Variants in CDC123 observed in about 807,000 individuals in gnomAD.
CDC123 encodes cell division cycle 123, also known as translation initiation factor eIF2 assembly protein.
A neutral mutation model predicts 54.4 loss-of-function variants in CDC123; 37 were observed. That is an observed-to-expected ratio of 0.68 (90% CI 0.52 to 0.89). The LOEUF is 0.89. CDC123 is among the 40% of genes least tolerant of loss of function. CDC123 has a pLI of 0.00. For synonymous variants in CDC123, 144 were observed against 136.8 expected (o/e 1.05, Z -0.37); for missense variants, 361 against 412.1 (o/e 0.88, Z 1.07).
chr10:12,212,548 G>A (rs1028504126), intron 4 of CDC123, among the ~76,000 whole-genome samples: 9 of 152,170 alleles, frequency 5.9e-5, no homozygotes, highest in Admixed American at 4.6e-4. Flanking sequence ...GTGTTGCCCA[G>A]GCTGCACTCA....
At chr10:12,229,310 C>T (rs1342647919) in intron 6 of CDC123, among the ~76,000 whole-genome samples, 3 of 152,222 alleles carry the variant, frequency 2.0e-5, no homozygotes, top group Admixed American at 6.5e-5. Context: ...CTTTAGGGCT[C>T]CCCTTTGTCC....
rs1249271744 is a variant in CDC123 at position 12,250,380 on chromosome 10, C to T, written c.*43C>T. On this transcript the variant is annotated 3_prime_UTR_variant, in exon 13 of 13. Transcript: ENST00000281141. ...GAGAAGAGGAGGCCCCGCCCCACCG[C>T]TCCGGGAGCTGCTCATCAGCCGCAA... is the stretch of plus-strand genomic sequence containing the variant. The T allele has an allele frequency of 6.6e-7, 1 of 1,508,884 alleles. No individual in the cohort carries two copies. Among genetic ancestry groups the T allele is most frequent in the Non-Finnish European group, 9.2e-7 (1 of 1,084,794 alleles). 93.5% of individuals were successfully genotyped at this position (1,508,884 alleles called of 1,614,324 possible).
chr10:12,222,475 A>G (rs1835750476), intron 6 of CDC123, among the ~76,000 whole-genome samples: 1 of 152,164 alleles, frequency 6.6e-6, no homozygotes, highest in Non-Finnish European at 1.5e-5. Context: ...AAAAAGAGAG[A>G]AAGAAAGAAA....
rs143480832 is a variant in CDC123, at chr10:12,205,424, A to C, written c.147-4543A>C. ...TTGGGTCCCATCCCTAAGATATCTC[A>C]TATATATGCAAATACTCCAAAATCC... On this transcript the variant is annotated intron_variant, in intron 2 of 12. Transcript: ENST00000281141. Among the ~76,000 whole-genome samples, 12 of 152,334 alleles carry C rather than the reference A, an allele frequency of 7.9e-5. No individual in the cohort carries two copies. In the East Asian group the frequency reaches 2.3e-3, roughly 29 times the overall value.
intron 4 of CDC123, 143 bp from the exon 5 acceptor site, chr10:12,215,597 G>C: frequency 2.3e-6 from 1 of 442,040 alleles, no homozygotes; most frequent in Non-Finnish European, 4.1e-6. Flanking sequence ...ATTTTATTTA[G>C]CTGGGTTCAG....
intron 9 of CDC123, 115 bp from the exon 10 acceptor site, chr10:12,238,342 C>T: frequency 7.5e-6 from 9 of 1,197,058 alleles, no homozygotes; most frequent in Non-Finnish European, 1.0e-5. Flanking sequence ...GCATGAAGTC[C>T]TCAGGGTCAT....
intron 7 of CDC123, among the ~76,000 whole-genome samples, chr10:12,231,539 C>T (rs113298967): frequency 0.027 from 3,996 of 149,850 alleles, 147 homozygotes; most frequent in African/African-American, 0.084. Context: ...GCTGAAGAAT[C>T]GCTTGAACCC....
intron 12 of CDC123, chr10:12,250,088 G>A (rs1336726876): frequency 4.1e-6 from 2 of 482,724 alleles, no homozygotes; most frequent in African/African-American, 4.0e-5. Flanking sequence ...TTTCTGTGTA[G>A]GAGTTTTTGT....
intron 10 of CDC123, among the ~76,000 whole-genome samples, chr10:12,244,323 T>C (rs1016367717): frequency 1.3e-5 from 2 of 152,244 alleles, no homozygotes; most frequent in Admixed American, 6.5e-5. Context: ...ATGGCACAAA[T>C]ATATGAATGT....
At chr10:12,216,995 T>C (rs1228634186) in intron 5 of CDC123, among the ~76,000 whole-genome samples, 2 of 152,214 alleles carry the variant, frequency 1.3e-5, no homozygotes, top group East Asian at 1.9e-4. Context: ...GATCTCTCTT[T>C]TCTTGGAGAG....
rs1835989203 is a variant in CDC123, at chr10:12,237,173, T to C, written c.595T>C (p.Tyr199His). ...GISQRDYTQY[Y>H]DHISKQKEEI... is the part of the protein sequence containing the mutation. ...TTCTCAAAGAGACTACACACAATAC[T>C]ATGATCATATTTCTAAACAAAAGGA... Residue 199 changes from tyrosine (Y) to histidine (H), a missense_variant, in exon 9 of 13, where the codon TAT (tyrosine) becomes CAT (histidine). Transcript: ENST00000281141. The C allele has an allele frequency of 1.3e-6, 2 of 1,577,406 alleles. No individual in the cohort carries two copies. The highest frequency in any genetic ancestry group is 1.7e-6 in the Non-Finnish European group (2 of 1,166,448).
chr10:12,217,039 C>A (rs1835673091), intron 5 of CDC123, among the ~76,000 whole-genome samples: 1 of 152,158 alleles, frequency 6.6e-6, no homozygotes, highest in Non-Finnish European at 1.5e-5. Context: ...CTACCTTAAT[C>A]TTGTAGCCAA....
chr10:12,196,439 C>G (rs550785421), intron 1 of CDC123, 120 bp downstream of exon 1: 2 of 1,311,682 alleles, frequency 1.5e-6, no homozygotes, highest in Non-Finnish European at 2.2e-6. Flanking sequence ...GGGAGTGTGT[C>G]GAGAGGGAAG....
chr10:12,206,009 C>G (rs112430216), intron 2 of CDC123, among the ~76,000 whole-genome samples: 3,510 of 152,240 alleles, frequency 0.023, 141 homozygotes, highest in African/African-American at 0.08. Flanking sequence ...ACTATTTTGG[C>G]CAGGCTAGTC....
chr10:12,231,062 AG>A (rs1472845547), intron 7 of CDC123, 66 bp downstream of exon 7: 1 of 1,394,438 alleles, frequency 7.2e-7, no homozygotes, highest in Non-Finnish European at 9.9e-7. Context: ...TTTATTCTTA[AG>A]TGAAATGAAA....
At chr10:12,215,985 C>CT (rs1835657226) in intron 5 of CDC123, 150 bp downstream of exon 5, 1 of 523,562 alleles carries the variant, frequency 1.9e-6, no homozygotes, top group Admixed American at 4.1e-5. Flanking sequence ...TACTGTTTTA[C>CT]TTTCCGGATT....
At chr10:12,246,632 C>T (rs1588685532) in intron 11 of CDC123, 1 of 172,148 alleles carries the variant, frequency 5.8e-6, no homozygotes, top group Non-Finnish European at 1.2e-5. Context: ...TGCAGCCCAG[C>T]GGATTCCTGT....
At chr10:12,222,342 G>A (rs537381469) in intron 6 of CDC123, among the ~76,000 whole-genome samples, 19 of 152,158 alleles carry the variant, frequency 1.2e-4, no homozygotes, top group Non-Finnish European at 2.4e-4. Context: ...ACATGTGGCC[G>A]GGCGCGGTGG....
intron 6 of CDC123, 120 bp from the exon 7 acceptor site, chr10:12,230,828 T>C: frequency 2.3e-6 from 2 of 887,098 alleles, no homozygotes; most frequent in East Asian, 5.1e-5. Flanking sequence ...TTTGAGTTAG[T>C]CTCCTGTTTC....
Sources: allele counts gnomAD v4.1 joint callset (sites outside exome capture counted in the v4.1 genomes callset), GRCh38; gene constraint gnomAD v4.1.1; transcripts MANE v1.5; gene names NCBI Gene and HGNC (gene_info 2026-07-23, HGNC 2026-07-21).